DOP1A: variants seen among roughly 807,000 people sequenced by gnomAD.
The protein encoded by DOP1A is protein DOP1A.
In DOP1A, 90 loss-of-function variants were observed where a neutral mutation model predicts 267.6. The ratio of observed to expected loss-of-function variants is 0.34; its 90% confidence interval spans 0.28 to 0.40. The LOEUF (loss-of-function observed/expected upper bound fraction) is 0.40, where lower values mean the gene tolerates loss of function less well. Among genes scored for constraint, DOP1A ranks in the 10% least tolerant of loss-of-function variants. DOP1A has a pLI of 1.00. For missense variants in DOP1A, 2,437 were observed against 2,900.4 expected (o/e 0.84, Z 3.67); for synonymous variants, 932 against 999.1 (o/e 0.93, Z 1.27).
At position 83,154,052 on chromosome 6, in the gene DOP1A, C is replaced by T. The variant is rs2128349141; in HGVS notation, c.6389+9C>T. 1.2e-6 allele frequency: 2 copies of T among 1,613,626 alleles called. No homozygotes were observed. Among genetic ancestry groups the T allele is most frequent in the Non-Finnish European group, 1.7e-6 (2 of 1,179,860 alleles). ...GCCTCTTGTGTTAATCAGTAAGTTG[C>T]CCTCTTATTTGTATTCAGCATGATG... On this transcript the variant is annotated intron_variant, in intron 32 of 38. Coordinates refer to ENST00000349129, the MANE Select transcript of DOP1A (RefSeq NM_015018.4).
chr6:83,134,121 T>A, intron 18 of DOP1A, 66 bp from the exon 19 acceptor site: 1 of 1,401,254 alleles, frequency 7.1e-7, no homozygotes, highest in East Asian at 2.3e-5. Context: ...AGTACTCTGA[T>A]TTTACTAAAA....
In DOP1A at chr6:83,139,988, ATT is replaced by A. The variant is rs1249685285; in HGVS notation, c.5121-9_5121-8del. On this transcript the variant is annotated splice_polypyrimidine_tract_variant and intron_variant, in intron 21 of 38. Transcript: ENST00000349129. Reference sequence around the variant, plus strand: ...ATAAAACTTGTGTTTAAATGAATGCATTTTACTTCAGGCCTCTGTGGATGGCA... The same window carrying A: ...ATAAAACTTGTGTTTAAATGAATGCATTACTTCAGGCCTCTGTGGATGGCA... 10 of 1,586,660 alleles carry A rather than the reference ATT, an allele frequency of 6.3e-6. No individual in the cohort carries two copies. The highest frequency in any genetic ancestry group is 1.3e-5 in the African/African-American group (1 of 74,252).
chr6:83,093,932 A>T (rs924949855), intron 1 of DOP1A, among the ~76,000 whole-genome samples: 8 of 152,118 alleles, frequency 5.3e-5, no homozygotes, highest in African/African-American at 1.9e-4. Context: ...ACAAACAAAA[A>T]ATATATATAT....
In DOP1A at chr6:83,100,731, A is replaced by G; in HGVS notation, c.165A>G (p.Gln55=). The G allele has an allele frequency of 6.5e-7, 1 of 1,532,766 alleles. No homozygotes were observed. The highest frequency in any genetic ancestry group is 8.8e-7 in the Non-Finnish European group (1 of 1,140,432). 94.9% of individuals were successfully genotyped at this position (1,532,766 alleles called of 1,614,324 possible). A position where few individuals can be genotyped will look rare whatever the true frequency, so the allele number is the denominator to read the frequency against. ...TTTTACAAAATAATGCAAAGTACCA[A>G]GTAGTACCCAAAAAGCTGACCATAG... is the stretch of plus-strand genomic sequence containing the variant. The part of the protein sequence containing the change: ...NKVLQNNAKY[Q]VVPKKLTIGK... Residue 55 remains glutamine, a synonymous_variant, in exon 4 of 39, where the codon CAA becomes CAG. Transcript: ENST00000349129.
intron 6 of DOP1A, 141 bp from the exon 7 acceptor site, chr6:83,113,182 A>C: frequency 1.7e-6 from 1 of 584,644 alleles, no homozygotes; most frequent in Non-Finnish European, 3.0e-6. Flanking sequence ...TATATATACT[A>C]TTCAAAATAA....
At chr6:83,133,802 A>G (rs1283352634) in intron 18 of DOP1A, among the ~76,000 whole-genome samples, 2 of 152,108 alleles carry the variant, frequency 1.3e-5, no homozygotes, top group African/African-American at 4.8e-5. Context: ...ATATAGTGCA[A>G]TGAAATCAAT....
chr6:83,119,677 G>C (rs1233943954), intron 8 of DOP1A, 71 bp from the exon 9 acceptor site: 1 of 1,304,654 alleles, frequency 7.7e-7, no homozygotes, highest in Non-Finnish European at 1.1e-6. Flanking sequence ...AGATTTTGCT[G>C]TTTTGGTATT....
chr6:83,142,193 A>G (rs1336964046), intron 24 of DOP1A, 147 bp downstream of exon 24: 4 of 1,046,198 alleles, frequency 3.8e-6, no homozygotes, highest in Non-Finnish European at 2.7e-6. Context: ...TTGTTGCCTT[A>G]ATTTCTTTAA....
intron 1 of DOP1A, among the ~76,000 whole-genome samples, chr6:83,081,299 G>A (rs1768029737): frequency 6.6e-6 from 1 of 152,034 alleles, no homozygotes; most frequent in Non-Finnish European, 1.5e-5. Context: ...ATAGAGACAA[G>A]GTTTCACCAT....
rs1226721142 is a variant in DOP1A, at chr6:83,138,589, C to A, written c.4547C>A (p.Ser1516Tyr). Residue 1516 changes from serine to tyrosine, a missense_variant, in exon 21 of 39, where the codon TCT (serine) becomes TAT (tyrosine). By Grantham distance (144) the Ser-to-Tyr change is moderately radical. This residue lies in a region of DOP1A where 878 missense variants were observed against 992.9 expected (regional missense o/e 0.88). Transcript: ENST00000349129. ...GCGAAGGGTTTCCCTAGTTTTATTT[C>A]TGATATGTTATCTAAGTGCAAAGTT... ...SSAKGFPSFI[S>Y]DMLSKCKVQK... 1 of 1,613,796 alleles carries A rather than the reference C, an allele frequency of 6.2e-7. No individual in the cohort carries two copies. Among genetic ancestry groups the A allele is most frequent in the South Asian group, 1.1e-5 (1 of 91,068 alleles).
chr6:83,149,109 C>A (rs1487731383), intron 27 of DOP1A, among the ~76,000 whole-genome samples: 3 of 151,840 alleles, frequency 2.0e-5, no homozygotes, highest in African/African-American at 4.8e-5. Context: ...AAAACTGTTA[C>A]AACAGTAGCT....
At chr6:83,157,114 C>A in intron 34 of DOP1A, 68 bp from the exon 35 acceptor site, 2 of 1,509,268 alleles carry the variant, frequency 1.3e-6, no homozygotes, top group South Asian at 1.2e-5. Context: ...AGTACTGGAC[C>A]GACAATATAG....
intron 27 of DOP1A, among the ~76,000 whole-genome samples, chr6:83,149,381 C>T (rs1781172092): frequency 6.6e-6 from 1 of 152,112 alleles, no homozygotes; most frequent in Non-Finnish European, 1.5e-5. Flanking sequence ...ATTCTTGATT[C>T]CTAATAGGTC....
intron 4 of DOP1A, among the ~76,000 whole-genome samples, chr6:83,102,001 G>A (rs1246227134): frequency 6.6e-6 from 1 of 152,080 alleles, no homozygotes; most frequent in African/African-American, 2.4e-5. Context: ...TCCTGCCCTT[G>A]GTAACAACTG....
intron 6 of DOP1A, among the ~76,000 whole-genome samples, chr6:83,111,450 CT>C (rs1774546187): frequency 6.6e-6 from 1 of 151,734 alleles, no homozygotes; most frequent in Non-Finnish European, 1.5e-5. Flanking sequence ...AACTGGCAAA[CT>C]TTTTTCCAAA....
chr6:83,100,130 G>A (rs1772297663), intron 3 of DOP1A, among the ~76,000 whole-genome samples: 1 of 152,086 alleles, frequency 6.6e-6, no homozygotes, highest in Admixed American at 6.5e-5. Flanking sequence ...TGTTATGGTT[G>A]AATAAATAAA....
At chr6:83,169,876 T>C (rs1031155280), downstream of DOP1A, 11 of 431,748 alleles carry the variant, frequency 2.5e-5, no homozygotes, top group African/African-American at 1.9e-4. Flanking sequence ...AAGGCTGTCA[T>C]TTAAAGGAAA....
At chr6:83,156,811 G>T (rs1285983799) in intron 34 of DOP1A, among the ~76,000 whole-genome samples, 2 of 152,144 alleles carry the variant, frequency 1.3e-5, no homozygotes, top group African/African-American at 4.8e-5. Context: ...TATGCAAAAT[G>T]TACACTATTT....
At chr6:83,104,608 T>C (rs865940421) in intron 4 of DOP1A, among the ~76,000 whole-genome samples, 4 of 152,186 alleles carry the variant, frequency 2.6e-5, no homozygotes, top group African/African-American at 7.2e-5. Context: ...CTGAAATTTA[T>C]CTTTGTGGGA....
Sources: gnomAD v4.1 joint callset for allele counts (sites outside exome capture counted in the v4.1 genomes callset) on GRCh38, gnomAD v4.1.1 for gene constraint, gnomAD v4.1.1 regional missense constraint, MANE v1.5 for transcripts, NCBI Gene and HGNC (gene_info 2026-07-23, HGNC 2026-07-21) for gene names.